DPYD: variants seen among roughly 807,000 people sequenced by gnomAD.
DPYD encodes dihydropyrimidine dehydrogenase [NADP(+)].
Under a neutral mutation model 116.2 loss-of-function variants are expected in DPYD, and 109 were observed. The ratio of observed to expected loss-of-function variants is 0.94; its 90% CI spans 0.80 to 1.10. The LOEUF (loss-of-function observed/expected upper bound fraction) is 1.10, where lower values mean the gene tolerates loss of function less well. Among genes scored for constraint, DPYD ranks in the 50% least tolerant of loss-of-function variants. The pLI is 0.00. For synonymous variants in DPYD, 440 were observed against 432.0 expected (o/e 1.02, Z -0.23); for missense variants, 1,302 against 1,254.5 (o/e 1.04, Z -0.57).
At chr1:97,404,790 T>C (rs1415470310) in intron 14 of DPYD, among the ~76,000 whole-genome samples, 4 of 152,110 alleles carry the variant, frequency 2.6e-5, no homozygotes, top group Admixed American at 1.3e-4. Context: ...AAAATAAGTA[T>C]TGATATACCT....
intron 10 of DPYD, among the ~76,000 whole-genome samples, chr1:97,575,596 T>C (rs537374106): frequency 6.6e-6 from 1 of 152,294 alleles, no homozygotes; most frequent in African/African-American, 2.4e-5. Flanking sequence ...CTTTCCCTTT[T>C]TATTATGAAA....
chr1:97,371,040 CTTATT>C (rs1671285840), intron 16 of DPYD, among the ~76,000 whole-genome samples: 1 of 151,892 alleles, frequency 6.6e-6, no homozygotes, highest in African/African-American at 2.4e-5. Flanking sequence ...TTTTTAATCA[CTTATT>C]TTATATAGAT....
At chr1:97,323,590 A>G (rs567309790) in intron 16 of DPYD, among the ~76,000 whole-genome samples, 2 of 80,848 alleles carry the variant, frequency 2.5e-5, no homozygotes, top group South Asian at 4.4e-4. Flanking sequence ...CATATCATAT[A>G]TACATATATG....
intron 20 of DPYD, among the ~76,000 whole-genome samples, chr1:97,109,087 A>G (rs533466789): frequency 6.6e-6 from 1 of 152,266 alleles, no homozygotes; most frequent in South Asian, 2.1e-4. Context: ...CAGAAATAAC[A>G]ATGATCACCT....
chr1:97,824,986 G>A (rs906249896), intron 3 of DPYD, among the ~76,000 whole-genome samples: 1 of 152,058 alleles, frequency 6.6e-6, no homozygotes, highest in Admixed American at 6.6e-5. Flanking sequence ...ACATTTACAC[G>A]AGTTAACCTC....
chr1:97,679,324 T>C, intron 7 of DPYD, 142 bp from the exon 8 acceptor site: 1 of 556,106 alleles, frequency 1.8e-6, no homozygotes, highest in South Asian at 2.5e-5. Context: ...TGTCTTTTAG[T>C]ATATAGGTTT....
At chr1:97,136,465 G>A (rs1457842027) in intron 20 of DPYD, among the ~76,000 whole-genome samples, 1 of 152,156 alleles carries the variant, frequency 6.6e-6, no homozygotes, top group Non-Finnish European at 1.5e-5. Flanking sequence ...CGCGAATCCA[G>A]TCATGTATAC....
intron 20 of DPYD, 106 bp downstream of exon 20, chr1:97,192,963 G>A: frequency 7.9e-7 from 1 of 1,258,804 alleles, no homozygotes; most frequent in Admixed American, 1.8e-5. Context: ...ACATCCAGGA[G>A]GCACTGTGTT....
intron 14 of DPYD, among the ~76,000 whole-genome samples, chr1:97,431,514 C>T (rs2101731142): frequency 1.3e-5 from 2 of 152,204 alleles, no homozygotes; most frequent in Middle Eastern, 6.8e-3. Context: ...GTATTGGACA[C>T]TGTGGCATAT....
intron 20 of DPYD, among the ~76,000 whole-genome samples, chr1:97,161,455 G>A (rs1655890092): frequency 6.6e-6 from 1 of 151,926 alleles, no homozygotes; most frequent in African/African-American, 2.4e-5. Context: ...CAATCATAAC[G>A]GAGCTGTGGG....
At chr1:97,425,086 C>T (rs901951541) in intron 14 of DPYD, among the ~76,000 whole-genome samples, 4 of 151,956 alleles carry the variant, frequency 2.6e-5, no homozygotes, top group South Asian at 4.1e-4. Flanking sequence ...TTATAAAATA[C>T]TGATAAACTT....
At chr1:97,615,776 C>T (rs547296831) in intron 8 of DPYD, among the ~76,000 whole-genome samples, 4 of 152,180 alleles carry the variant, frequency 2.6e-5, no homozygotes, top group Non-Finnish European at 4.4e-5. Context: ...GAATATAAGG[C>T]CCTTCATTAT....
At chr1:97,915,999 C>G (rs1184952495) in intron 1 of DPYD, among the ~76,000 whole-genome samples, 1 of 152,102 alleles carries the variant, frequency 6.6e-6, no homozygotes, top group Non-Finnish European at 1.5e-5. Context: ...GATCAGACAT[C>G]TTTATTTTAC....
intron 14 of DPYD, among the ~76,000 whole-genome samples, chr1:97,418,847 T>C (rs548834520): frequency 1.6e-3 from 241 of 152,216 alleles, no homozygotes; most frequent in Non-Finnish European, 2.7e-3. Flanking sequence ...TAAATTGCAT[T>C]AATGGACACA....
At chr1:97,415,151 T>A (rs556954318) in intron 14 of DPYD, among the ~76,000 whole-genome samples, 1 of 146,726 alleles carries the variant, frequency 6.8e-6, no homozygotes, top group South Asian at 2.3e-4. Context: ...AAAACCAGAA[T>A]AAAGGCAAAC....
chr1:97,268,518 T>C (rs575078634), intron 18 of DPYD, among the ~76,000 whole-genome samples: 2 of 152,104 alleles, frequency 1.3e-5, no homozygotes, highest in Non-Finnish European at 2.9e-5. Context: ...GAGGGTGCCA[T>C]GGCCCCAGAG....
chr1:97,611,334 T>C (rs1196817832), intron 8 of DPYD, among the ~76,000 whole-genome samples: 2 of 152,020 alleles, frequency 1.3e-5, no homozygotes, highest in Non-Finnish European at 2.9e-5. Context: ...ACCAGGTTCC[T>C]CCCACAACAC....
chr1:97,411,888 A>C (rs1674016094), intron 14 of DPYD, among the ~76,000 whole-genome samples: 1 of 152,216 alleles, frequency 6.6e-6, no homozygotes, highest in Non-Finnish European at 1.5e-5. Context: ...AATAAAACAG[A>C]GTGTACAACA....
intron 10 of DPYD, among the ~76,000 whole-genome samples, chr1:97,587,810 C>A (rs572072551): frequency 7.3e-5 from 9 of 122,600 alleles, no homozygotes; most frequent in South Asian, 2.5e-4. Flanking sequence ...GGTGACAGAG[C>A]AAGACTCCAT....
Sources: allele counts gnomAD v4.1 joint callset (sites outside exome capture counted in the v4.1 genomes callset), GRCh38; gene constraint gnomAD v4.1.1; transcripts MANE v1.5; gene names NCBI Gene and HGNC (gene_info 2026-07-23, HGNC 2026-07-21).